Variants in RASAL2 observed in about 807,000 individuals in gnomAD.
RASAL2 encodes the protein ras GTPase-activating protein nGAP.
In RASAL2, 58 loss-of-function variants were observed where a neutral mutation model predicts 128.9. The observed-to-expected ratio is 0.45, with a 90% CI of 0.36 to 0.56. The LOEUF is 0.56. Among genes scored for constraint, RASAL2 ranks in the 20% least tolerant of loss-of-function variants. RASAL2 has a pLI of 0.00. For missense variants in RASAL2, 1,360 were observed against 1,601.6 expected (o/e 0.85, Z 2.57); for synonymous variants, 561 against 580.8 (o/e 0.97, Z 0.49).
intron 4 of RASAL2, among the ~76,000 whole-genome samples, chr1:178,395,369 T>C (rs1279409320): frequency 6.6e-6 from 1 of 152,198 alleles, no homozygotes; most frequent in Non-Finnish European, 1.5e-5. Context: ...CTTTCCTACC[T>C]TCAAGTCTGA....
chr1:178,442,589 C>T, intron 7 of RASAL2, 86 bp from the exon 8 acceptor site: 1 of 1,130,674 alleles, frequency 8.8e-7, no homozygotes, highest in Non-Finnish European at 1.3e-6. Flanking sequence ...TAATAGAGTA[C>T]CTAATGAACA....
At chr1:178,111,129 C>T (rs1659304610) in intron 1 of RASAL2, among the ~76,000 whole-genome samples, 1 of 152,152 alleles carries the variant, frequency 6.6e-6, no homozygotes, top group South Asian at 2.1e-4. Flanking sequence ...CTTTGTATTG[C>T]TGATAGTATC....
chr1:178,368,207 C>T (rs888018259), intron 3 of RASAL2, among the ~76,000 whole-genome samples: 6 of 152,134 alleles, frequency 3.9e-5, no homozygotes, highest in African/African-American at 1.2e-4. Flanking sequence ...CAGAAGTTTA[C>T]GTTTCATTTC....
In RASAL2 at chr1:178,458,286, T is replaced by C. The variant is rs1458116636; in HGVS notation, c.2994T>C (p.Leu998=). 6.2e-7 allele frequency: 1 copy of C among 1,614,180 alleles called. No homozygotes were observed. Among genetic ancestry groups the C allele is most frequent in the South Asian group, 1.1e-5 (1 of 91,080 alleles). Residue 998 remains leucine (L), a synonymous_variant, in exon 14 of 18, where the codon CTT becomes CTC. Transcript: ENST00000367649. ...CGGTGCCAGATAGACACATACCTCT[T>C]GCTTTGCCACGACAAAATAGTACTG... ...RHTVPDRHIP[L]ALPRQNSTGQ...
intron 1 of RASAL2, among the ~76,000 whole-genome samples, chr1:178,136,895 A>T (rs1363638065): frequency 6.6e-6 from 1 of 151,782 alleles, no homozygotes; most frequent in Non-Finnish European, 1.5e-5. Context: ...ATATGTTCAG[A>T]GCTTTAGAAG....
In RASAL2 at chr1:178,431,619, A is replaced by G. The variant is rs536970752; in HGVS notation, c.675-7803A>G. On this transcript the variant is annotated intron_variant, in intron 5 of 17. Coordinates refer to ENST00000367649, the MANE Select transcript of RASAL2 (RefSeq NM_170692.4). ...TGTATGCACATGTGCATGAAGATAT[A>G]TGTAGTAAGATATTCTGAATTTTGT... 2.6e-5 allele frequency among the ~76,000 whole-genome samples: 4 copies of G among 152,128 alleles called. No individual in the cohort carries two copies. The South Asian group carries it at 8.3e-4, about 32-fold the overall frequency.
At chr1:178,394,235 ACTTTAGT>A (rs1673081070) in intron 4 of RASAL2, among the ~76,000 whole-genome samples, 1 of 152,210 alleles carries the variant, frequency 6.6e-6, no homozygotes, top group African/African-American at 2.4e-5. Context: ...TTCAAAAACA[ACTTTAGT>A]CATTTGACAT....
chr1:178,469,819 A>G (rs181528644), intron 17 of RASAL2, among the ~76,000 whole-genome samples: 1 of 152,318 alleles, frequency 6.6e-6, no homozygotes, highest in East Asian at 1.9e-4. Flanking sequence ...AATATAATAA[A>G]TTACCTACCC....
In RASAL2 at chr1:178,167,484, T is replaced by A. The variant is rs578260642; in HGVS notation, c.202+72790T>A. Among the ~76,000 whole-genome samples, 8 of 152,204 alleles carry A rather than the reference T, an allele frequency of 5.3e-5. No individual in the cohort carries two copies. The South Asian group carries it at 6.2e-4, about 12-fold the overall frequency. ...TTATAAATAAGAGATTGGCATTAAT[T>A]TGATTTTTCTTTTTAAAGTACAGTT... On this transcript the variant is annotated intron_variant, in intron 1 of 17. Coordinates refer to ENST00000367649, the MANE Select transcript of RASAL2 (RefSeq NM_170692.4).
intron 1 of RASAL2, among the ~76,000 whole-genome samples, chr1:178,208,970 G>A (rs1230724236): frequency 6.6e-6 from 1 of 151,908 alleles, no homozygotes; most frequent in East Asian, 1.9e-4. Flanking sequence ...GATAAAATCA[G>A]GGAAAAAAGA....
At chr1:178,338,502 A>G (rs1391135986) in intron 3 of RASAL2, among the ~76,000 whole-genome samples, 1 of 152,202 alleles carries the variant, frequency 6.6e-6, no homozygotes, top group African/African-American at 2.4e-5. Flanking sequence ...CCATAATATT[A>G]CTTTTATATG....
intron 1 of RASAL2, among the ~76,000 whole-genome samples, chr1:178,167,835 A>G (rs1661569552): frequency 1.3e-5 from 2 of 151,992 alleles, no homozygotes; most frequent in African/African-American, 4.8e-5. Context: ...AGAAACTCAC[A>G]TGTATGTGGA....
At chr1:178,184,543 G>A (rs1304975268) in intron 1 of RASAL2, among the ~76,000 whole-genome samples, 2 of 151,926 alleles carry the variant, frequency 1.3e-5, no homozygotes, top group Non-Finnish European at 2.9e-5. Context: ...TTTACATACA[G>A]GCATCCAATG....
At chr1:178,160,640 AAAT>A (rs1375940738) in intron 1 of RASAL2, among the ~76,000 whole-genome samples, 3 of 152,210 alleles carry the variant, frequency 2.0e-5, no homozygotes, top group African/African-American at 4.8e-5. Flanking sequence ...TGTCTCAAAA[AAAT>A]AATAATAATG....
chr1:178,456,908 G>C lies in RASAL2; in HGVS notation c.2390+9G>C, dbSNP rs1431987437. ...GAAGACCCCACTGACAGGTATGAAA[G>C]AGAGAATTTGACCACTATCTCGGAG... On this transcript the variant is annotated intron_variant, in intron 13 of 17. Transcript: ENST00000367649. 1 of 1,610,480 alleles carries C rather than the reference G, an allele frequency of 6.2e-7. No homozygotes were observed. Among genetic ancestry groups the C allele is most frequent in the South Asian group, 1.1e-5 (1 of 90,934 alleles).
intron 1 of RASAL2, among the ~76,000 whole-genome samples, chr1:178,138,533 C>G (rs949041932): frequency 3.3e-5 from 5 of 152,070 alleles, no homozygotes; most frequent in Admixed American, 1.3e-4. Context: ...AGCCATATAA[C>G]CTTGAACGAG....
chr1:178,444,361 C>T (rs1676858713), intron 8 of RASAL2, among the ~76,000 whole-genome samples: 1 of 152,122 alleles, frequency 6.6e-6, no homozygotes, highest in Non-Finnish European at 1.5e-5. Flanking sequence ...CCAAGAGTTT[C>T]CTCCTGTCTC....
chr1:178,339,531 C>T (rs920024797), intron 3 of RASAL2, among the ~76,000 whole-genome samples: 3 of 152,268 alleles, frequency 2.0e-5, no homozygotes, highest in Admixed American at 1.3e-4. Flanking sequence ...TGTAGTGAAT[C>T]CCTCATTGGT....
At chr1:178,125,786 T>C (rs1330978252) in intron 1 of RASAL2, among the ~76,000 whole-genome samples, 2 of 152,218 alleles carry the variant, frequency 1.3e-5, no homozygotes, top group Admixed American at 1.3e-4. Flanking sequence ...TCCTACATTT[T>C]AGACTAATTG....
Sources: allele counts gnomAD v4.1 joint callset (sites outside exome capture counted in the v4.1 genomes callset), GRCh38; gene constraint gnomAD v4.1.1; transcripts MANE v1.5; gene names NCBI Gene and HGNC (gene_info 2026-07-23, HGNC 2026-07-21).